Variants in LINGO2 observed in about 807,000 individuals in gnomAD.
LINGO2 encodes leucine rich repeat and Ig domain containing 2, also known as leucine-rich repeat and immunoglobulin-like domain-containing nogo receptor-interacting protein 2.
LINGO2 carries 14 observed loss-of-function variants against 30.6 expected under a neutral mutation model. The observed-to-expected ratio is 0.46, with a 90% CI of 0.30 to 0.72. LINGO2 has a LOEUF of 0.72. Ranked by LOEUF, LINGO2 falls within the 30% of genes least tolerant of loss-of-function variation. The pLI, the probability that LINGO2 is intolerant of heterozygous loss-of-function variation, is 0.07. For missense variants in LINGO2, 729 were observed against 751.7 expected (o/e 0.97, Z 0.35); for synonymous variants, 317 against 288.5 (o/e 1.10, Z -1.00).
At chr9:28,300,627 T>G (rs2134206242) in intron 3 of LINGO2, among the ~76,000 whole-genome samples, 1 of 152,312 alleles carries the variant, frequency 6.6e-6, no homozygotes, top group East Asian at 1.9e-4. Flanking sequence ...GCCTGCTTTC[T>G]TCTTTCTACC....
chr9:28,119,535 A>G (rs1827032397), intron 4 of LINGO2, among the ~76,000 whole-genome samples: 1 of 152,226 alleles, frequency 6.6e-6, no homozygotes, highest in African/African-American at 2.4e-5. Context: ...TGATTCAGGC[A>G]TCTAAGTAAA....
chr9:28,891,561 T>C, the LINGO2 span, among the ~76,000 whole-genome samples: 3 of 151,946 alleles, frequency 2.0e-5, no homozygotes, highest in Non-Finnish European at 2.9e-5. Context: ...GTCATTATAA[T>C]GAAGTCTGGT....
At chr9:29,060,157 A>C in the LINGO2 span, among the ~76,000 whole-genome samples, 1 of 152,166 alleles carries the variant, frequency 6.6e-6, no homozygotes, top group Non-Finnish European at 1.5e-5. Flanking sequence ...GGCCATTCAC[A>C]GAGCAAATGA....
intron 1 of LINGO2, among the ~76,000 whole-genome samples, chr9:28,487,636 A>G (rs1317701282): frequency 1.3e-5 from 2 of 152,202 alleles, no homozygotes; most frequent in Non-Finnish European, 2.9e-5. Flanking sequence ...ACAAATATCC[A>G]TAATACACCC....
chr9:28,058,481 A>G (rs543657204), intron 4 of LINGO2, among the ~76,000 whole-genome samples: 1 of 152,284 alleles, frequency 6.6e-6, no homozygotes, highest in African/African-American at 2.4e-5. Flanking sequence ...TCCGCAGCAC[A>G]TGCTTAAATA....
chr9:29,113,994 T>C, the LINGO2 span, among the ~76,000 whole-genome samples: 1 of 152,066 alleles, frequency 6.6e-6, no homozygotes, highest in Non-Finnish European at 1.5e-5. Context: ...AAGGAATTCT[T>C]TTCCACAACA....
intron 4 of LINGO2, among the ~76,000 whole-genome samples, chr9:28,192,684 A>AT (rs949610964): frequency 3.9e-5 from 6 of 152,182 alleles, no homozygotes; most frequent in African/African-American, 1.4e-4. Flanking sequence ...ACGGGTCATA[A>AT]TTTTTTTATC....
At chr9:28,136,249 T>C (rs1393107894) in intron 4 of LINGO2, among the ~76,000 whole-genome samples, 7 of 152,254 alleles carry the variant, frequency 4.6e-5, no homozygotes, top group African/African-American at 1.7e-4. Flanking sequence ...TACTAGTTGA[T>C]AATCAAGGCT....
intron 4 of LINGO2, among the ~76,000 whole-genome samples, chr9:28,098,886 A>C (rs903314511): frequency 5.3e-5 from 8 of 152,130 alleles, no homozygotes; most frequent in Non-Finnish European, 1.2e-4. Flanking sequence ...GAAATGGTGA[A>C]TATGTTTGTG....
Position 28,013,912 on chromosome 9 carries a change from G to A in LINGO2, c.-86-1507C>T, listed in dbSNP as rs138843572. 2.6e-4 allele frequency among the ~76,000 whole-genome samples: 40 copies of A among 152,242 alleles called. No homozygotes were observed. In the East Asian group the frequency reaches 5.4e-3, roughly 21 times the overall value. ...GCTAAAGAATGGGGCTTTCATTGCC[G>A]TTATTTTCTTTTCAATTCTTTCTGC... On this transcript the variant is annotated intron_variant, in intron 4 of 5. Coordinates refer to ENST00000379992, the Ensembl canonical transcript of LINGO2.
chr9:28,188,733 A>G (rs4878210), intron 4 of LINGO2, among the ~76,000 whole-genome samples: 48,522 of 152,066 alleles, frequency 0.32, 8,952 homozygotes, highest in East Asian at 0.48. Flanking sequence ...CACTATAACT[A>G]TAGCACCTGC....
At chr9:28,801,374 C>G in the LINGO2 span, among the ~76,000 whole-genome samples, 1 of 151,962 alleles carries the variant, frequency 6.6e-6, no homozygotes, top group Non-Finnish European at 1.5e-5. Context: ...TTAGATGAAG[C>G]CTAACCATGA....
At chr9:28,370,359 A>G (rs932898531) in intron 3 of LINGO2, among the ~76,000 whole-genome samples, 4 of 152,166 alleles carry the variant, frequency 2.6e-5, no homozygotes, top group African/African-American at 9.6e-5. Flanking sequence ...CACGCATGCA[A>G]AAACAAAAAC....
At chr9:28,412,165 C>T (rs1345722844) in intron 2 of LINGO2, among the ~76,000 whole-genome samples, 2 of 130,088 alleles carry the variant, frequency 1.5e-5, no homozygotes, top group East Asian at 4.5e-4. Context: ...ATACTCATAG[C>T]TTAGCTCCCA....
intron 1 of LINGO2, among the ~76,000 whole-genome samples, chr9:28,514,511 C>A (rs1820540527): frequency 6.6e-6 from 1 of 152,154 alleles, no homozygotes; most frequent in South Asian, 2.1e-4. Flanking sequence ...AAGTTTTAGT[C>A]ATCTGGATAG....
chr9:28,624,022 T>C (rs1826537324), intron 1 of LINGO2, among the ~76,000 whole-genome samples: 1 of 152,148 alleles, frequency 6.6e-6, no homozygotes, highest in Non-Finnish European at 1.5e-5. Context: ...TGTAGGTTGA[T>C]TTGTATCTTG....
chr9:28,909,721 C>T, the LINGO2 span, among the ~76,000 whole-genome samples: 1 of 151,970 alleles, frequency 6.6e-6, no homozygotes, highest in African/African-American at 2.4e-5. Context: ...AACTGCATCA[C>T]CTGATGAGAT....
the LINGO2 span, among the ~76,000 whole-genome samples, chr9:29,180,723 T>C: frequency 6.6e-6 from 1 of 152,170 alleles, no homozygotes; most frequent in Non-Finnish European, 1.5e-5. Flanking sequence ...TGAAGGTATC[T>C]GAAAACATCT....
intron 3 of LINGO2, among the ~76,000 whole-genome samples, chr9:28,324,930 C>T (rs1825173266): frequency 6.6e-6 from 1 of 152,136 alleles, no homozygotes; most frequent in South Asian, 2.1e-4. Context: ...CAAGGACCCT[C>T]TCTTGAAGAC....
Sources: allele counts gnomAD v4.1 joint callset (sites outside exome capture counted in the v4.1 genomes callset), GRCh38; gene constraint gnomAD v4.1.1; transcripts MANE v1.5; gene names NCBI Gene and HGNC (gene_info 2026-07-23, HGNC 2026-07-21).